Variants in MTMR3 observed in about 807,000 individuals in gnomAD.
MTMR3 encodes myotubularin related protein 3, also known as phosphatidylinositol-3,5-bisphosphate 3-phosphatase MTMR3.
MTMR3 carries 32 observed loss-of-function variants against 132.4 expected under a neutral mutation model. That is an observed-to-expected ratio of 0.24 (90% CI 0.18 to 0.32). MTMR3 has a LOEUF of 0.32. Ranked by LOEUF, MTMR3 falls within the 10% of genes least tolerant of loss-of-function variation. The pLI is 1.00. For synonymous variants in MTMR3, 556 were observed against 550.3 expected (o/e 1.01, Z -0.14); for missense variants, 1,216 against 1,489.6 (o/e 0.82, Z 3.02).
intron 14 of MTMR3, 43 bp from the exon 15 acceptor site, chr22:30,016,485 G>C (rs771254770): frequency 6.3e-7 from 1 of 1,599,770 alleles, no homozygotes; most frequent in Non-Finnish European, 8.5e-7. Context: ...ATCAGAGTGT[G>C]CATGCCTGAT....
At chr22:29,998,525 C>T in intron 7 of MTMR3, 1 of 220,412 alleles carries the variant, frequency 4.5e-6, no homozygotes, top group South Asian at 8.3e-5. Flanking sequence ...CACCTGTAAT[C>T]CCAGCTATTT....
At chr22:30,004,171 A>C (rs1601405669) in intron 9 of MTMR3, 1 of 152,258 alleles carries the variant, frequency 6.6e-6, no homozygotes, top group Non-Finnish European at 1.5e-5. Context: ...ACACCCCTAG[A>C]AAAGTCAGTC....
chr22:29,957,650 G>A (rs368999607), intron 2 of MTMR3, among the ~76,000 whole-genome samples: 2 of 151,884 alleles, frequency 1.3e-5, no homozygotes, highest in East Asian at 1.9e-4. Flanking sequence ...ACAGGATCTC[G>A]TTCTGTTGCC....
chr22:29,910,019 T>C (rs908176856), intron 1 of MTMR3, among the ~76,000 whole-genome samples: 2 of 152,044 alleles, frequency 1.3e-5, no homozygotes, highest in South Asian at 4.1e-4. Flanking sequence ...TAGCCGGGCA[T>C]GGTGGTGGGT....
At chr22:29,909,342 T>G (rs1602451002) in intron 1 of MTMR3, among the ~76,000 whole-genome samples, 2 of 152,362 alleles carry the variant, frequency 1.3e-5, no homozygotes, top group Admixed American at 1.3e-4. Context: ...TTTCTTAATT[T>G]ACGTTGCGTT....
At chr22:29,960,393 TG>T (rs2066286815) in intron 2 of MTMR3, among the ~76,000 whole-genome samples, 1 of 152,162 alleles carries the variant, frequency 6.6e-6, no homozygotes, top group Non-Finnish European at 1.5e-5. Context: ...AAATACATAC[TG>T]AAGTAGTAAG....
rs375260806 is a variant in MTMR3 at position 30,018,060 on chromosome 22, C to G, written c.1808C>G (p.Pro603Arg). ...GCCCCAGGCACCAGCCCTGATGATC[C>G]CCCCCTGAGCCGGTGAGCCCAGGGT... ...YPAPGTSPDD[P>R]PLSRLPKTRS... Residue 603 changes from proline to arginine, a missense_variant, in exon 16 of 20, where the codon CCC (proline) becomes CGC (arginine). By Grantham distance (103) the Pro-to-Arg change is moderately radical (BLOSUM62 -2). Transcript: ENST00000401950. The G allele has an allele frequency of 1.9e-6, 3 of 1,607,716 alleles. No individual in the cohort carries two copies. Among genetic ancestry groups the G allele is most frequent in the Non-Finnish European group, 2.5e-6 (3 of 1,178,008 alleles).
At chr22:29,900,340 G>A (rs2064981248) in intron 1 of MTMR3, among the ~76,000 whole-genome samples, 2 of 151,982 alleles carry the variant, frequency 1.3e-5, no homozygotes, top group Non-Finnish European at 2.9e-5. Context: ...AATACTTAAC[G>A]TTTCTTTTGC....
intron 1 of MTMR3, among the ~76,000 whole-genome samples, chr22:29,909,441 T>C (rs1254981287): frequency 6.6e-6 from 1 of 152,184 alleles, no homozygotes; most frequent in East Asian, 1.9e-4. Context: ...TCTTATATGG[T>C]TTAAACTTGC....
At chr22:29,969,381 A>G (rs1569029486) in intron 2 of MTMR3, among the ~76,000 whole-genome samples, 1 of 152,140 alleles carries the variant, frequency 6.6e-6, no homozygotes, top group African/African-American at 2.4e-5. Context: ...AATCAGTAAC[A>G]TCCCACCACT....
chr22:29,884,720 G>C (rs1300193275), intron 1 of MTMR3, among the ~76,000 whole-genome samples: 1 of 152,012 alleles, frequency 6.6e-6, no homozygotes, highest in East Asian at 1.9e-4. Flanking sequence ...GCGCCACCAC[G>C]GCTGGCTAAT....
At chr22:30,000,607 A>G (rs2067152652) in intron 8 of MTMR3, 2 of 152,020 alleles carry the variant, frequency 1.3e-5, no homozygotes, top group Non-Finnish European at 2.9e-5. Flanking sequence ...CAGAGTTTTC[A>G]CTGGAAAAGC....
chr22:30,011,997 A>G (rs528731559), intron 12 of MTMR3: 175 of 159,544 alleles, frequency 1.1e-3, no homozygotes, highest in African/African-American at 4.1e-3. Flanking sequence ...AAATATAAAT[A>G]TCTTCTGTTT....
intron 4 of MTMR3, 138 bp downstream of exon 4, chr22:29,978,669 C>G (rs368773361): frequency 7.2e-5 from 49 of 676,302 alleles, no homozygotes; most frequent in South Asian, 2.4e-4. Flanking sequence ...TGGAAAACAT[C>G]TCATTTTAGC....
At chr22:29,886,199 T>G (rs2064673561) in intron 1 of MTMR3, among the ~76,000 whole-genome samples, 1 of 152,210 alleles carries the variant, frequency 6.6e-6, no homozygotes, top group African/African-American at 2.4e-5. Flanking sequence ...TGCAATGGAT[T>G]AAAGAGCCAA....
At chr22:29,951,088 T>C (rs2066069904) in intron 1 of MTMR3, among the ~76,000 whole-genome samples, 1 of 151,954 alleles carries the variant, frequency 6.6e-6, no homozygotes, top group Admixed American at 6.6e-5. Flanking sequence ...GAGGCAGAGG[T>C]TGCAGTGAGC....
intron 19 of MTMR3, chr22:30,024,386 A>G (rs1334301250): frequency 1.3e-5 from 2 of 152,224 alleles, no homozygotes; most frequent in Admixed American, 6.5e-5. Flanking sequence ...AGAAGTGTAG[A>G]TGTTCAGAAA....
At chr22:29,941,288 A>G (rs900897652) in intron 1 of MTMR3, among the ~76,000 whole-genome samples, 1 of 152,000 alleles carries the variant, frequency 6.6e-6, no homozygotes, top group African/African-American at 2.4e-5. Context: ...AATATACCAC[A>G]ATTTGTTTAT....
intron 1 of MTMR3, among the ~76,000 whole-genome samples, chr22:29,912,992 C>T (rs1168041127): frequency 6.6e-6 from 1 of 152,142 alleles, no homozygotes; most frequent in Non-Finnish European, 1.5e-5. Context: ...CCTGTAATCC[C>T]AGCATTCTGG....
Sources: gnomAD v4.1 joint callset for allele counts (sites outside exome capture counted in the v4.1 genomes callset) on GRCh38, gnomAD v4.1.1 for gene constraint, MANE v1.5 for transcripts, NCBI Gene and HGNC (gene_info 2026-07-23, HGNC 2026-07-21) for gene names.